Variants in ANO1 observed in about 807,000 individuals in gnomAD.
The protein encoded by ANO1 is anoctamin 1.
A neutral mutation model predicts 124.0 loss-of-function variants in ANO1; 59 were observed. That is an observed-to-expected ratio of 0.48 (90% CI 0.39 to 0.59). The LOEUF is 0.59. Ranked by LOEUF, ANO1 falls within the 20% of genes least tolerant of loss-of-function variation. The pLI, the probability that ANO1 is intolerant of heterozygous loss-of-function variation, is 0.00. For missense variants in ANO1, 1,059 were observed against 1,328.0 expected (o/e 0.80, Z 3.15); for synonymous variants, 529 against 532.0 (o/e 0.99, Z 0.08).
intron 11 of ANO1, among the ~76,000 whole-genome samples, chr11:70,136,278 C>T (rs2046952130): frequency 6.6e-6 from 1 of 152,166 alleles, no homozygotes; most frequent in Admixed American, 6.5e-5. Context: ...TTGTCGGTCC[C>T]CTGTGGTTCT....
chr11:70,036,954 C>T (rs945563228), intron 1 of ANO1, among the ~76,000 whole-genome samples: 14 of 152,188 alleles, frequency 9.2e-5, no homozygotes, highest in Non-Finnish European at 1.9e-4. Flanking sequence ...AGGCTGGGGC[C>T]ATGTCTCAGG....
chr11:69,985,139 G>A (rs551730664), upstream of ANO1, among the ~76,000 whole-genome samples: 1 of 152,340 alleles, frequency 6.6e-6, no homozygotes, highest in Admixed American at 6.5e-5. Flanking sequence ...AGCCCATGAG[G>A]CGGGGAAGAG....
chr11:70,005,498 A>C (rs1219856907), intron 1 of ANO1, among the ~76,000 whole-genome samples: 1 of 152,228 alleles, frequency 6.6e-6, no homozygotes, highest in African/African-American at 2.4e-5. Context: ...TAGGGTTTGC[A>C]ATCTCCGCTC....
chr11:70,083,594 G>A (rs1287618474), intron 1 of ANO1, among the ~76,000 whole-genome samples: 2 of 152,308 alleles, frequency 1.3e-5, no homozygotes, highest in African/African-American at 2.4e-5. Context: ...CAACTTGATA[G>A]AGGATTTTTG....
At chr11:70,059,840 T>A (rs149239930) in intron 1 of ANO1, among the ~76,000 whole-genome samples, 16 of 152,092 alleles carry the variant, frequency 1.1e-4, no homozygotes, top group African/African-American at 3.9e-4. Flanking sequence ...TGGAAAAGAC[T>A]GGTAGAGCAG....
intron 1 of ANO1, among the ~76,000 whole-genome samples, 176 bp from the exon 2 acceptor site, chr11:70,087,576 C>T (rs1301077633): frequency 6.6e-6 from 1 of 152,204 alleles, no homozygotes; most frequent in Non-Finnish European, 1.5e-5. Context: ...GGGTCTTCTG[C>T]TGTGTTCCCA....
chr11:70,119,564 T>C (rs576827930), intron 8 of ANO1, among the ~76,000 whole-genome samples: 1 of 147,214 alleles, frequency 6.8e-6, no homozygotes, highest in East Asian at 2.0e-4. Flanking sequence ...GAGGAATGAA[T>C]GATGGTTGAT....
At chr11:70,168,026 G>T (rs2135746394) in intron 21 of ANO1, among the ~76,000 whole-genome samples, 1 of 152,298 alleles carries the variant, frequency 6.6e-6, no homozygotes, top group South Asian at 2.1e-4. Context: ...GGAGACCCAG[G>T]GATCGAGCCT....
chr11:70,030,799 T>C (rs1341121217), intron 1 of ANO1, among the ~76,000 whole-genome samples: 5 of 152,200 alleles, frequency 3.3e-5, no homozygotes, highest in African/African-American at 1.2e-4. Context: ...TGGACATCTC[T>C]GGAGGCCAAT....
chr11:70,176,044 A>G (rs1484168982), intron 22 of ANO1, among the ~76,000 whole-genome samples: 2 of 152,070 alleles, frequency 1.3e-5, no homozygotes, highest in Admixed American at 1.3e-4. Context: ...TTGGTTTTAT[A>G]CATTTTAGGG....
chr11:70,154,188 G>A lies in ANO1; in HGVS notation c.1425+1060G>A, dbSNP rs556325009. ...GACCCTTGGAGGGATGAGGGCAGTCGAGGGAGCTCTCACAGGTCCTGACCT... is the reference window on the plus strand; with the variant it reads ...GACCCTTGGAGGGATGAGGGCAGTCAAGGGAGCTCTCACAGGTCCTGACCT... On this transcript the variant is annotated intron_variant, in intron 14 of 25. Coordinates refer to ENST00000355303, the MANE Select transcript of ANO1 (RefSeq NM_018043.7). 1.3e-3 allele frequency among the ~76,000 whole-genome samples: 195 copies of A among 152,300 alleles called. 1 individual carries two copies. Among genetic ancestry groups the A allele is most frequent in the Admixed American group, 4.4e-3 (67 of 15,300 alleles).
At chr11:70,007,710 C>T (rs560128312) in intron 1 of ANO1, among the ~76,000 whole-genome samples, 28 of 152,298 alleles carry the variant, frequency 1.8e-4, no homozygotes, top group Admixed American at 4.6e-4. Flanking sequence ...AACGCTGCAA[C>T]GAACCTAGGT....
At chr11:70,069,020 G>A (rs1300259184) in intron 1 of ANO1, among the ~76,000 whole-genome samples, 2 of 152,224 alleles carry the variant, frequency 1.3e-5, no homozygotes, top group Non-Finnish European at 2.9e-5. Flanking sequence ...CATGCCTCAG[G>A]ACCTCCTTGA....
rs146792747 is a variant in ANO1 at position 70,067,737 on chromosome 11, C to T, written c.59-10805C>T. ...GCCCCAAGGCCCTTCCCAGCCTTCC[C>T]GTCCCTCCAGACCTCCCGACCCCCT... On this transcript the variant is annotated intron_variant, in intron 1 of 27. Transcript: ENST00000531349. Among the ~76,000 whole-genome samples the T allele has an allele frequency of 7.9e-5, 12 of 152,308 alleles. No individual in the cohort carries two copies. In the East Asian group the frequency reaches 1.4e-3, roughly 17 times the overall value.
intron 1 of ANO1, among the ~76,000 whole-genome samples, chr11:70,009,426 G>C (rs782616232): frequency 2.0e-5 from 3 of 152,314 alleles, no homozygotes; most frequent in Non-Finnish European, 4.4e-5. Flanking sequence ...ATCTGCTGCT[G>C]TCATGTCTGA....
chr11:70,004,046 C>T (rs1411151808), intron 1 of ANO1, among the ~76,000 whole-genome samples: 8 of 152,170 alleles, frequency 5.3e-5, no homozygotes, highest in Admixed American at 2.6e-4. Context: ...CTGCTCCGAC[C>T]CTTTGGACCT....
chr11:70,167,499 G>A lies in ANO1; in HGVS notation c.2197+112G>A, dbSNP rs1471949872. 5.7e-6 allele frequency: 8 copies of A among 1,394,664 alleles called. No homozygotes were observed. The South Asian group carries it at 1.2e-4, about 20-fold the overall frequency. The allele number at this position is 1,394,664 out of a possible 1,614,324, so 86.4% of individuals were successfully genotyped here. A position where few individuals can be genotyped will look rare whatever the true frequency, so the allele number is the denominator to read the frequency against. ...GATGCCCCCAACCCTGCGGTGCCCAGCGTCCCTCCATAAGCATCAGGCAGG... is the reference window on the plus strand; with the variant it reads ...GATGCCCCCAACCCTGCGGTGCCCAACGTCCCTCCATAAGCATCAGGCAGG... On this transcript the variant is annotated intron_variant, in intron 21 of 25. Coordinates refer to ENST00000355303, the MANE Select transcript of ANO1 (RefSeq NM_018043.7).
At chr11:69,972,235 T>C in the ANO1 span, among the ~76,000 whole-genome samples, 1 of 147,826 alleles carries the variant, frequency 6.8e-6, no homozygotes, top group African/African-American at 2.5e-5. Context: ...GAGAAACCAG[T>C]ATGCCAGGGC....
chr11:70,090,078 G>A (rs1165168519), intron 2 of ANO1, among the ~76,000 whole-genome samples: 1 of 152,226 alleles, frequency 6.6e-6, no homozygotes, highest in Non-Finnish European at 1.5e-5. Context: ...CTGGAGTGCA[G>A]TGGCACAATC....
Sources: gnomAD v4.1 joint callset for allele counts (sites outside exome capture counted in the v4.1 genomes callset) on GRCh38, gnomAD v4.1.1 for gene constraint, MANE v1.5 for transcripts, NCBI Gene and HGNC (gene_info 2026-07-23, HGNC 2026-07-21) for gene names.